The following TRDN variants were observed in gnomAD, a reference collection of about 807,000 sequenced individuals.
TRDN encodes the protein triadin, also known as triadin in skeletal muscle.
In TRDN, 161 loss-of-function variants were observed where a neutral mutation model predicts 149.7. The observed-to-expected ratio is 1.08, with a 90% CI of 0.95 to 1.23. The LOEUF (loss-of-function observed/expected upper bound fraction) is 1.23. Ranked by LOEUF, TRDN falls within the 50% of genes most tolerant of loss-of-function variation. The probability of loss-of-function intolerance (pLI) is 0.00; values close to 1 mark genes in which losing one functional copy is unlikely to be tolerated. For missense variants in TRDN, 896 were observed against 823.5 expected (o/e 1.09, Z -1.08); for synonymous variants, 294 against 250.5 (o/e 1.17, Z -1.64).
At chr6:123,537,057 T>C (rs1371828960) in intron 4 of TRDN, among the ~76,000 whole-genome samples, 4 of 152,108 alleles carry the variant, frequency 2.6e-5, no homozygotes, top group African/African-American at 9.6e-5. Flanking sequence ...TCAAAATTTA[T>C]AGATGCTCAT....
intron 21 of TRDN, among the ~76,000 whole-genome samples, chr6:123,345,688 G>T (rs1180622821): frequency 6.6e-6 from 1 of 152,026 alleles, no homozygotes; most frequent in East Asian, 1.9e-4. Context: ...TTGTATCAAT[G>T]AATATGGAGT....
chr6:123,489,412 C>A (rs1000209684), intron 9 of TRDN: 1 of 151,964 alleles, frequency 6.6e-6, no homozygotes, highest in African/African-American at 2.4e-5. Flanking sequence ...CTATCAGGGT[C>A]CACTGGAGTC....
At chr6:123,574,884 A>ATATATATATATATATATATATG (rs1782767741) in intron 1 of TRDN, among the ~76,000 whole-genome samples, 1 of 126,064 alleles carries the variant, frequency 7.9e-6, no homozygotes, top group Non-Finnish European at 1.6e-5. Flanking sequence ...ATATATATAT[A>ATATATATATATATATATATATG]TATATATATA....
intron 14 of TRDN, among the ~76,000 whole-genome samples, chr6:123,383,393 GC>G (rs1300245324): frequency 6.6e-6 from 1 of 151,922 alleles, no homozygotes. Context: ...AAATTAACAT[GC>G]TTTTTGATGT....
intron 2 of TRDN, among the ~76,000 whole-genome samples, chr6:123,552,227 T>C (rs1338756877): frequency 6.6e-6 from 1 of 152,090 alleles, no homozygotes; most frequent in African/African-American, 2.4e-5. Context: ...TGGTCAGTAA[T>C]TGGATTCTTG....
At chr6:123,315,874 G>A (rs147980143) in intron 24 of TRDN, among the ~76,000 whole-genome samples, 80 of 151,906 alleles carry the variant, frequency 5.3e-4, no homozygotes, top group Middle Eastern at 6.8e-3. Context: ...TGCAAAACCT[G>A]TTTTTAGAAA....
intron 21 of TRDN, among the ~76,000 whole-genome samples, chr6:123,342,603 C>T (rs1040415842): frequency 6.6e-6 from 1 of 151,822 alleles, no homozygotes; most frequent in Non-Finnish European, 1.5e-5. Context: ...AGGTATTATC[C>T]ATAATTTTAT....
At chr6:123,262,888 C>A (rs1776820536) in intron 33 of TRDN, among the ~76,000 whole-genome samples, 1 of 152,022 alleles carries the variant, frequency 6.6e-6, no homozygotes, top group South Asian at 2.1e-4. Context: ...CTCTCATTCA[C>A]CAAGCCCTCT....
At chr6:123,603,269 CT>C (rs1300056568) in intron 1 of TRDN, among the ~76,000 whole-genome samples, 1 of 133,904 alleles carries the variant, frequency 7.5e-6, no homozygotes, top group Non-Finnish European at 1.7e-5. Flanking sequence ...AATGTCAACA[CT>C]TGATTTTTAT....
chr6:123,632,223 A>G (rs1786042186), intron 1 of TRDN, among the ~76,000 whole-genome samples: 2 of 152,042 alleles, frequency 1.3e-5, no homozygotes, highest in Non-Finnish European at 2.9e-5. Flanking sequence ...ACTGCCTACT[A>G]TGGTGTAGAT....
chr6:123,496,349 C>A (rs866762821), intron 9 of TRDN, among the ~76,000 whole-genome samples: 1 of 151,374 alleles, frequency 6.6e-6, no homozygotes, highest in African/African-American at 2.4e-5. Flanking sequence ...TGATGACATA[C>A]ACATAAATTA....
chr6:123,393,188 C>T lies in TRDN; in HGVS notation c.1105+436G>A, dbSNP rs530051272. On this transcript the variant is annotated intron_variant, in intron 13 of 40. Coordinates refer to ENST00000334268, the MANE Select transcript of TRDN (RefSeq NM_006073.4). ...ATTATTTTGTAGCCATATCTGGAAC[C>T]CCATTTTTACAGTTTTGATGTTTAT... Among the ~76,000 whole-genome samples, 4 of 152,014 alleles carry T rather than the reference C, an allele frequency of 2.6e-5. No individual in the cohort carries two copies. The East Asian group carries it at 7.7e-4, about 29-fold the overall frequency.
At chr6:123,624,019 G>A (rs913578589) in intron 1 of TRDN, among the ~76,000 whole-genome samples, 5 of 152,088 alleles carry the variant, frequency 3.3e-5, no homozygotes, top group African/African-American at 1.2e-4. Context: ...GTGTCAGAGA[G>A]TTACATATAC....
At chr6:123,597,038 G>A (rs1383303147) in intron 1 of TRDN, among the ~76,000 whole-genome samples, 9 of 151,896 alleles carry the variant, frequency 5.9e-5, no homozygotes, top group Non-Finnish European at 1.2e-4. Flanking sequence ...TATAGCTAGC[G>A]ACTCTTTTCT....
At chr6:123,597,281 G>T (rs1432336294) in intron 1 of TRDN, among the ~76,000 whole-genome samples, 3 of 152,206 alleles carry the variant, frequency 2.0e-5, no homozygotes, top group African/African-American at 7.2e-5. Flanking sequence ...GGAGCCTGAA[G>T]ATGGAACTGA....
intron 27 of TRDN, 132 bp downstream of exon 27, chr6:123,274,509 G>T: frequency 1.4e-6 from 1 of 710,638 alleles, no homozygotes; most frequent in Non-Finnish European, 2.2e-6. Context: ...GTTGAGCAAT[G>T]GAGTTGACAA....
At chr6:123,286,590 T>C (rs1354811956) in intron 24 of TRDN, among the ~76,000 whole-genome samples, 1 of 151,978 alleles carries the variant, frequency 6.6e-6, no homozygotes, top group Non-Finnish European at 1.5e-5. Flanking sequence ...ACTGCTCGGG[T>C]GATAAGTGCA....
intron 38 of TRDN, among the ~76,000 whole-genome samples, chr6:123,234,017 G>T (rs182633597): frequency 1.3e-5 from 2 of 151,982 alleles, no homozygotes; most frequent in African/African-American, 4.8e-5. Context: ...TCTATGAGAT[G>T]AATATTATTA....
intron 1 of TRDN, among the ~76,000 whole-genome samples, chr6:123,575,936 G>T (rs1425658442): frequency 6.6e-6 from 1 of 152,052 alleles, no homozygotes; most frequent in Non-Finnish European, 1.5e-5. Flanking sequence ...CTACATTCTA[G>T]AATGGTATAA....
Sources: allele counts gnomAD v4.1 joint callset (sites outside exome capture counted in the v4.1 genomes callset), GRCh38; gene constraint gnomAD v4.1.1; transcripts MANE v1.5; gene names NCBI Gene and HGNC (gene_info 2026-07-23, HGNC 2026-07-21).